Variants in MACROD2 observed in about 807,000 individuals in gnomAD.
MACROD2 encodes mono-ADP ribosylhydrolase 2.
In MACROD2, 36 loss-of-function variants were observed where a neutral mutation model predicts 70.4. The ratio of observed to expected loss-of-function variants is 0.51; its 90% CI spans 0.39 to 0.68. The LOEUF (loss-of-function observed/expected upper bound fraction) is 0.68, where lower values mean the gene tolerates loss of function less well. Among genes scored for constraint, MACROD2 ranks in the 30% least tolerant of loss-of-function variants. The pLI is 0.00. For synonymous variants in MACROD2, 172 were observed against 178.8 expected (o/e 0.96, Z 0.30); for missense variants, 496 against 538.4 (o/e 0.92, Z 0.78).
chr20:15,480,938 ATTTTAACCATGCCTGTG>A (rs79376323), intron 7 of MACROD2, among the ~76,000 whole-genome samples: 18,401 of 152,008 alleles, frequency 0.12, 1,406 homozygotes, highest in East Asian at 0.26. Flanking sequence ...TCTTGCCTGT[ATTTTAACCATGCCTGTG>A]TCTTCGTAAG....
intron 8 of MACROD2, among the ~76,000 whole-genome samples, chr20:15,847,075 T>G (rs1438701292): frequency 6.6e-6 from 1 of 152,022 alleles, no homozygotes; most frequent in African/African-American, 2.4e-5. Flanking sequence ...AAAAATAGAA[T>G]CCTTCTTAAA....
At chr20:14,123,228 A>T (rs1257566238) in intron 3 of MACROD2, among the ~76,000 whole-genome samples, 1 of 152,192 alleles carries the variant, frequency 6.6e-6, no homozygotes, top group Non-Finnish European at 1.5e-5. Context: ...ATAGAAATAA[A>T]GTCATTTTAT....
intron 3 of MACROD2, among the ~76,000 whole-genome samples, chr20:14,208,079 C>A (rs983728569): frequency 1.3e-4 from 20 of 152,148 alleles, no homozygotes; most frequent in African/African-American, 4.8e-4. Context: ...TAGAGGAATT[C>A]TGAACACTTC....
chr20:15,003,730 T>C (rs1342517230), intron 5 of MACROD2, among the ~76,000 whole-genome samples: 1 of 152,140 alleles, frequency 6.6e-6, no homozygotes, highest in Non-Finnish European at 1.5e-5. Flanking sequence ...AAAGCTAATG[T>C]AAGGCTACAG....
chr20:14,989,470 G>T (rs2074880741), intron 5 of MACROD2, among the ~76,000 whole-genome samples: 2 of 152,128 alleles, frequency 1.3e-5, no homozygotes, highest in African/African-American at 2.4e-5. Context: ...ATTCAAGAAA[G>T]GGCAGTGCAG....
intron 8 of MACROD2, among the ~76,000 whole-genome samples, chr20:15,676,321 TAA>T: frequency 6.6e-6 from 1 of 152,346 alleles, no homozygotes; most frequent in South Asian, 2.1e-4. Flanking sequence ...ACATTCCACT[TAA>T]AAGTCAATTT....
intron 4 of MACROD2, among the ~76,000 whole-genome samples, chr20:14,504,207 A>G (rs138115919): frequency 6.0e-4 from 92 of 152,372 alleles, no homozygotes; most frequent in African/African-American, 1.9e-3. Flanking sequence ...CAGATGGCTA[A>G]AGAAATAATG....
chr20:14,790,757 G>C (rs534393956), intron 5 of MACROD2, among the ~76,000 whole-genome samples: 1 of 152,158 alleles, frequency 6.6e-6, no homozygotes, highest in East Asian at 1.9e-4. Flanking sequence ...AGATAGTTCC[G>C]TTTTGGGAAT....
In MACROD2 at chr20:15,005,996, C is replaced by T. The variant is rs77428646; in HGVS notation, c.419-223944C>T. Among the ~76,000 whole-genome samples, 495 of 152,134 alleles carry T rather than the reference C, an allele frequency of 3.3e-3. 4 individuals are homozygous for T. The highest frequency in any genetic ancestry group is 0.011 in the African/African-American group (471 of 41,502). ...TATATAAGGACTCTACCTGACATAT[C>T]GTCTCTAGCCTAAATGCTTTATTAT... On this transcript the variant is annotated intron_variant, in intron 5 of 17. Coordinates refer to ENST00000684519, the MANE Select transcript of MACROD2 (RefSeq NM_001351661.2).
chr20:14,724,180 G>T (rs1351211682), intron 5 of MACROD2, among the ~76,000 whole-genome samples: 4 of 151,928 alleles, frequency 2.6e-5, no homozygotes, highest in South Asian at 4.2e-4. Flanking sequence ...TCAGACTAAG[G>T]TGTTTTTTTT....
Position 14,811,734 on chromosome 20 carries a change from GA to G in MACROD2, c.418+126783del, listed in dbSNP as rs35412745. On this transcript the variant is annotated intron_variant, in intron 5 of 17. Transcript: ENST00000684519. Reference sequence around the variant, plus strand: ...ACAAGGAACTTAAACAAATTTACAAGAAAAAAAACAACCCCATCAAAAAGTG... The same window carrying G: ...ACAAGGAACTTAAACAAATTTACAAGAAAAAAACAACCCCATCAAAAAGTG... Among the ~76,000 whole-genome samples the G allele has an allele frequency of 2.0e-3, 307 of 151,230 alleles. 2 individuals are homozygous for G. The East Asian group carries it at 0.024, about 12-fold the overall frequency.
At chr20:15,718,672 T>G (rs905712654) in intron 8 of MACROD2, among the ~76,000 whole-genome samples, 1 of 152,196 alleles carries the variant, frequency 6.6e-6, no homozygotes, top group Admixed American at 6.5e-5. Flanking sequence ...AGTACTGTTT[T>G]TCAGCTGTGA....
At chr20:14,957,737 G>C (rs969094473) in intron 5 of MACROD2, among the ~76,000 whole-genome samples, 2 of 151,942 alleles carry the variant, frequency 1.3e-5, no homozygotes, top group African/African-American at 4.8e-5. Context: ...CACTTCTCTG[G>C]GTATCGTTTT....
intron 5 of MACROD2, among the ~76,000 whole-genome samples, chr20:14,937,258 G>A (rs1367131763): frequency 1.3e-5 from 2 of 152,018 alleles, no homozygotes; most frequent in African/African-American, 4.8e-5. Context: ...GTTGGTGAAG[G>A]CAGTAGAAGA....
intron 5 of MACROD2, among the ~76,000 whole-genome samples, chr20:14,985,511 G>C (rs2074840274): frequency 1.3e-5 from 2 of 152,040 alleles, no homozygotes; most frequent in Non-Finnish European, 2.9e-5. Flanking sequence ...AGCCTTTTAG[G>C]TCCCAACAGC....
chr20:14,483,617 A>G (rs1440344883), intron 3 of MACROD2, among the ~76,000 whole-genome samples: 1 of 152,004 alleles, frequency 6.6e-6, no homozygotes, highest in Admixed American at 6.6e-5. Flanking sequence ...TGTTGGTCAC[A>G]CTGGTCTCGA....
intron 8 of MACROD2, among the ~76,000 whole-genome samples, chr20:15,859,999 G>A (rs1358729159): frequency 6.6e-6 from 1 of 152,132 alleles, no homozygotes; most frequent in Non-Finnish European, 1.5e-5. Flanking sequence ...GCCGGGCATG[G>A]TGGCATGTGC....
At chr20:14,812,846 A>T in intron 5 of MACROD2, among the ~76,000 whole-genome samples, 1 of 152,014 alleles carries the variant, frequency 6.6e-6, no homozygotes, top group Non-Finnish European at 1.5e-5. Flanking sequence ...AGTCAACCCC[A>T]CAGATTAAAA....
At chr20:14,673,287 C>T (rs1339293211) in intron 4 of MACROD2, among the ~76,000 whole-genome samples, 1 of 152,172 alleles carries the variant, frequency 6.6e-6, no homozygotes, top group Admixed American at 6.6e-5. Context: ...AGTGAATACT[C>T]AGATCACTTA....
Sources: gnomAD v4.1 joint callset for allele counts (sites outside exome capture counted in the v4.1 genomes callset) on GRCh38, gnomAD v4.1.1 for gene constraint, MANE v1.5 for transcripts, NCBI Gene and HGNC (gene_info 2026-07-23, HGNC 2026-07-21) for gene names.